The following ANKS1B variants were observed in gnomAD, a reference collection of about 807,000 sequenced individuals.
ANKS1B encodes the protein ankyrin repeat and sterile alpha motif domain containing 1B, also known as ankyrin repeat and sterile alpha motif domain-containing protein 1B.
In ANKS1B, 36 loss-of-function variants were observed where a neutral mutation model predicts 148.3. The ratio of observed to expected loss-of-function variants is 0.24; its 90% confidence interval spans 0.19 to 0.32. The LOEUF is 0.32. ANKS1B is among the 10% of genes least tolerant of loss of function. The probability of loss-of-function intolerance (pLI) is 1.00; values close to 1 mark genes in which losing one functional copy is unlikely to be tolerated. For missense variants in ANKS1B, 1,157 were observed against 1,542.6 expected (o/e 0.75, Z 4.19); for synonymous variants, 542 against 560.8 (o/e 0.97, Z 0.47).
At chr12:98,746,004 A>C (rs943821124) in intron 26 of ANKS1B, 155 bp from the exon 27 acceptor site, 5 of 712,452 alleles carry the variant, frequency 7.0e-6, no homozygotes, top group Non-Finnish European at 1.1e-5. Context: ...CTTTGGACAC[A>C]CATTTACCGC....
intron 10 of ANKS1B, among the ~76,000 whole-genome samples, chr12:99,444,341 G>A (rs768087300): frequency 1.7e-4 from 26 of 151,906 alleles, no homozygotes; most frequent in Non-Finnish European, 1.5e-5. Flanking sequence ...TGAAATTTGT[G>A]CAAAATGGTT....
chr12:98,950,481 A>T (rs2099852465), intron 17 of ANKS1B, among the ~76,000 whole-genome samples: 1 of 152,174 alleles, frequency 6.6e-6, no homozygotes, highest in Non-Finnish European at 1.5e-5. Flanking sequence ...TGGGTAACAG[A>T]GTGAGACTCT....
At chr12:98,806,904 A>G (rs578172977) in intron 20 of ANKS1B, among the ~76,000 whole-genome samples, 21 of 152,314 alleles carry the variant, frequency 1.4e-4, no homozygotes, top group Admixed American at 2.6e-4. Flanking sequence ...TATAGACACC[A>G]TGGTCCTCAA....
intron 8 of ANKS1B, among the ~76,000 whole-genome samples, chr12:99,765,905 C>G (rs1167080358): frequency 1.3e-5 from 2 of 152,116 alleles, no homozygotes; most frequent in Non-Finnish European, 2.9e-5. Flanking sequence ...AAATATCAAG[C>G]AACTTCCAAA....
rs553043267 is a variant in ANKS1B at position 99,312,574 on chromosome 12, C to T, written c.1757-65710G>A. Among the ~76,000 whole-genome samples the T allele has an allele frequency of 6.6e-5, 10 of 152,188 alleles. No individual in the cohort carries two copies. In the South Asian group the frequency reaches 1.5e-3, roughly 22 times the overall value. On this transcript the variant is annotated intron_variant, in intron 12 of 26. Transcript: ENST00000683438. ...ATATATTCCTAAAACCTGTGCCAAG[C>T]AGCTTTCCTATCTTGTATTAGCATT... is the stretch of plus-strand genomic sequence containing the variant.
At chr12:98,800,857 A>C in intron 21 of ANKS1B, 140 bp downstream of exon 21, 2 of 1,098,394 alleles carry the variant, frequency 1.8e-6, no homozygotes, top group Non-Finnish European at 2.5e-6. Flanking sequence ...TACTTTAAGA[A>C]AAAGTGAAGA....
rs144014656 is a variant in ANKS1B at position 99,772,198 on chromosome 12, G to A, written c.1128+724C>T. 5.7e-3 allele frequency among the ~76,000 whole-genome samples: 864 copies of A among 152,120 alleles called. 3 individuals carry two copies. The highest frequency in any genetic ancestry group is 9.7e-3 in the Non-Finnish European group (662 of 67,948). On this transcript the variant is annotated intron_variant, in intron 8 of 26. Coordinates refer to ENST00000683438, the MANE Select transcript of ANKS1B (RefSeq NM_001352186.2). ...TTCATATAAAAATCCAAATGAGTGAGAATCACCCATGGCCTGACCTCAATC... is the reference window on the plus strand; with the variant it reads ...TTCATATAAAAATCCAAATGAGTGAAAATCACCCATGGCCTGACCTCAATC...
intron 4 of ANKS1B, among the ~76,000 whole-genome samples, chr12:99,791,356 T>C (rs1436261432): frequency 6.6e-6 from 1 of 151,994 alleles, no homozygotes; most frequent in African/African-American, 2.4e-5. Context: ...ACTTTCAGCA[T>C]TGGATAGATC....
intron 9 of ANKS1B, among the ~76,000 whole-genome samples, chr12:99,547,179 A>T (rs1310882338): frequency 6.6e-6 from 1 of 152,102 alleles, no homozygotes; most frequent in Non-Finnish European, 1.5e-5. Flanking sequence ...TAGATCTTAG[A>T]CTTGAAGCAA....
chr12:98,735,046 G>A (rs1274944865), exon 10 of ANKS1B: 2 of 393,036 alleles, frequency 5.1e-6, no homozygotes. Flanking sequence ...CCTGGAGTTT[G>A]AGTCCAGCCT....
At chr12:98,985,756 A>G (rs2099922948) in intron 17 of ANKS1B, among the ~76,000 whole-genome samples, 1 of 152,128 alleles carries the variant, frequency 6.6e-6, no homozygotes. Context: ...ACATTCAATT[A>G]TCTTTTAAAA....
intron 1 of ANKS1B, among the ~76,000 whole-genome samples, chr12:99,915,257 A>G (rs956280510): frequency 6.0e-5 from 9 of 150,764 alleles, no homozygotes; most frequent in African/African-American, 1.2e-4. Context: ...CCAACTGTGA[A>G]GGGCACACCT....
intron 14 of ANKS1B, among the ~76,000 whole-genome samples, chr12:99,228,470 T>C (rs1240183374): frequency 6.6e-6 from 1 of 151,922 alleles, no homozygotes; most frequent in East Asian, 1.9e-4. Context: ...TTGAATGAAA[T>C]TGGAGAAATG....
rs114540996 is a variant in ANKS1B, at chr12:99,917,691, C to G, written c.134+66413G>C. Among the ~76,000 whole-genome samples, 507 of 152,316 alleles carry G rather than the reference C, an allele frequency of 3.3e-3. 5 individuals are homozygous for G. Among genetic ancestry groups the G allele is most frequent in the South Asian group, 0.028 (136 of 4,824 alleles). ...ACTAGCATAGGATCCACCAGTCTCACCTTTTATGGCCATTCTAGCACTCCA... is the reference window on the plus strand; with the variant it reads ...ACTAGCATAGGATCCACCAGTCTCAGCTTTTATGGCCATTCTAGCACTCCA... On this transcript the variant is annotated intron_variant, in intron 1 of 26. Coordinates refer to ENST00000683438, the MANE Select transcript of ANKS1B (RefSeq NM_001352186.2).
intron 12 of ANKS1B, among the ~76,000 whole-genome samples, chr12:99,355,861 C>T (rs2091925080): frequency 6.6e-6 from 1 of 151,942 alleles, no homozygotes; most frequent in Non-Finnish European, 1.5e-5. Flanking sequence ...AGTTATTGAT[C>T]TCTGTGGCAA....
At chr12:99,443,166 A>G (rs572758395) in intron 11 of ANKS1B, among the ~76,000 whole-genome samples, 1 of 152,110 alleles carries the variant, frequency 6.6e-6, no homozygotes, top group Non-Finnish European at 1.5e-5. Context: ...AAGAGAGACT[A>G]GCTAGAGGAC....
chr12:99,690,240 G>A (rs1465276533), intron 8 of ANKS1B, among the ~76,000 whole-genome samples: 1 of 152,112 alleles, frequency 6.6e-6, no homozygotes, highest in Non-Finnish European at 1.5e-5. Context: ...GGATTATGGG[G>A]ATTAAAATTC....
intron 17 of ANKS1B, among the ~76,000 whole-genome samples, chr12:98,993,414 C>A (rs930124218): frequency 3.1e-4 from 47 of 152,218 alleles, no homozygotes; most frequent in African/African-American, 1.1e-3. Context: ...AGTGATCCGC[C>A]CGCCTTGGCC....
At chr12:99,811,333 C>T (rs562731202) in intron 3 of ANKS1B, among the ~76,000 whole-genome samples, 2 of 151,978 alleles carry the variant, frequency 1.3e-5, no homozygotes, top group East Asian at 1.9e-4. Context: ...TGGACAACTG[C>T]CAACCTGCAG....
Sources: gnomAD v4.1 joint callset for allele counts (sites outside exome capture counted in the v4.1 genomes callset) on GRCh38, gnomAD v4.1.1 for gene constraint, MANE v1.5 for transcripts, NCBI Gene and HGNC (gene_info 2026-07-23, HGNC 2026-07-21) for gene names.